MTCL1: variants seen among roughly 807,000 people sequenced by gnomAD.
MTCL1 encodes the protein microtubule cross-linking factor 1.
A neutral mutation model predicts 141.4 loss-of-function variants in MTCL1; 79 were observed. That is an observed-to-expected ratio of 0.56 (90% CI 0.47 to 0.67). MTCL1 has a LOEUF of 0.67. MTCL1 is among the 30% of genes least tolerant of loss of function. The pLI, the probability that MTCL1 is intolerant of heterozygous loss-of-function variation, is 0.00. For synonymous variants in MTCL1, 914 were observed against 875.8 expected (o/e 1.04, Z -0.77); for missense variants, 2,177 against 2,113.9 (o/e 1.03, Z -0.59).
intron 7 of MTCL1, chr18:8,789,808 AT>A: frequency 3.0e-6 from 2 of 670,920 alleles, no homozygotes; most frequent in Non-Finnish European, 3.7e-6. Context: ...TTTAGAAGAC[AT>A]TTATGTGTCA....
intron 4 of MTCL1, among the ~76,000 whole-genome samples, chr18:8,741,090 T>C (rs952202814): frequency 8.5e-5 from 13 of 152,214 alleles, no homozygotes; most frequent in African/African-American, 3.1e-4. Flanking sequence ...AGGATTTTCT[T>C]GAGTCCCCAT....
At position 8,783,428 on chromosome 18, in the gene MTCL1, A is replaced by G. The variant is rs940804879; in HGVS notation, c.418-102A>G. On this transcript the variant is annotated intron_variant, in intron 5 of 16. Coordinates refer to ENST00000359865, the Ensembl canonical transcript of MTCL1. ...GCACCGATGGGAAGATCGGTGTTTG[A>G]TGTTTGTGTGCATTGGGGGCGAGGT... 7 of 1,073,316 alleles carry G rather than the reference A, an allele frequency of 6.5e-6. No individual in the cohort carries two copies. The African/African-American group carries it at 9.6e-5, about 15-fold the overall frequency. The allele number at this position is 1,073,316 out of a possible 1,614,324, so 66.5% of individuals were successfully genotyped here.
intron 15 of MTCL1, among the ~76,000 whole-genome samples, chr18:8,826,578 A>G (rs761837759): frequency 6.6e-5 from 10 of 152,184 alleles, no homozygotes; most frequent in Non-Finnish European, 1.2e-4. Context: ...CACATGTACA[A>G]ACTATGGGAT....
intron 4 of MTCL1, among the ~76,000 whole-genome samples, chr18:8,738,056 A>G (rs1240945471): frequency 1.3e-5 from 2 of 152,170 alleles, no homozygotes; most frequent in East Asian, 3.8e-4. Context: ...CATAGCTAAT[A>G]TCATTTCCTT....
At chr18:8,784,814 C>A in exon 6 of MTCL1, 1 of 1,605,186 alleles carries the variant, frequency 6.2e-7, no homozygotes, top group East Asian at 2.2e-5. Flanking sequence ...CATCGGGAAC[C>A]TGGGGAAGGA....
chr18:8,796,557 CTAT>C, intron 9 of MTCL1, 95 bp downstream of exon 8: 1 of 1,196,526 alleles, frequency 8.4e-7, no homozygotes, highest in Non-Finnish European at 1.2e-6. Flanking sequence ...CAGTCATGTT[CTAT>C]TATTTTATTT....
intron 9 of MTCL1, 95 bp downstream of exon 8, chr18:8,796,557 C>A: frequency 8.4e-7 from 1 of 1,196,520 alleles, no homozygotes; most frequent in Non-Finnish European, 1.2e-6. Context: ...CAGTCATGTT[C>A]TATTATTTTA....
intron 4 of MTCL1, among the ~76,000 whole-genome samples, chr18:8,759,000 C>T (rs2096416575): frequency 6.6e-6 from 1 of 152,280 alleles, no homozygotes; most frequent in Middle Eastern, 3.4e-3. Flanking sequence ...AGTAGAGGGG[C>T]AGAAGGACAA....
At chr18:8,774,462 C>A (rs55743106) in intron 4 of MTCL1, among the ~76,000 whole-genome samples, 1 of 151,664 alleles carries the variant, frequency 6.6e-6, no homozygotes, top group East Asian at 1.9e-4. Context: ...TCTTTTCTTT[C>A]TTTTCTTTCT....
At chr18:8,807,152 C>T in intron 11 of MTCL1, 92 bp downstream of exon 10, 1 of 1,296,896 alleles carries the variant, frequency 7.7e-7, no homozygotes, top group Non-Finnish European at 1.0e-6. Flanking sequence ...AGATTCAGAA[C>T]CATGGGCTTC....
At chr18:8,785,021 G>GGT (rs1555654679) in intron 6 of MTCL1, among the ~76,000 whole-genome samples, 178 bp downstream of exon 5, 3 of 130,238 alleles carry the variant, frequency 2.3e-5, no homozygotes, top group African/African-American at 8.0e-5. Flanking sequence ...CGTTTTTTTT[G>GGT]TTTTTTTTTT....
At chr18:8,825,467 C>G (rs1293065428) in exon 15 of MTCL1, 1 of 1,603,710 alleles carries the variant, frequency 6.2e-7, no homozygotes, top group Non-Finnish European at 8.5e-7. Flanking sequence ...CGATGGGGAC[C>G]CAGACTGTTC....
intron 16 of MTCL1, chr18:8,829,858 C>G: frequency 1.0e-6 from 1 of 985,140 alleles, no homozygotes. Flanking sequence ...CGGTGTGTTA[C>G]TAAGGAAAAG....
exon 15 of MTCL1, chr18:8,826,154 G>A (rs1357328013): frequency 1.9e-6 from 3 of 1,613,094 alleles, no homozygotes; most frequent in Non-Finnish European, 8.5e-7. Flanking sequence ...AGGAGAGGAG[G>A]CAGGCTGCCC....
At chr18:8,777,105 A>G (rs1445434138) in intron 4 of MTCL1, among the ~76,000 whole-genome samples, 2 of 152,152 alleles carry the variant, frequency 1.3e-5, no homozygotes, top group Non-Finnish European at 2.9e-5. Context: ...GCGTGGTGGC[A>G]GGTGCCTATA....
chr18:8,713,371 C>T (rs190823499), upstream of MTCL1, among the ~76,000 whole-genome samples: 56 of 152,266 alleles, frequency 3.7e-4, no homozygotes, highest in Non-Finnish European at 2.9e-5. Context: ...AAGACAACAG[C>T]GATTTTCCAA....
At chr18:8,713,073 CAT>C (rs887234566), upstream of MTCL1, among the ~76,000 whole-genome samples, 8 of 152,058 alleles carry the variant, frequency 5.3e-5, no homozygotes, top group Admixed American at 2.6e-4. Context: ...TTCATTAAAA[CAT>C]ATAATTTTAA....
chr18:8,760,414 A>G (rs2096425687), intron 4 of MTCL1, among the ~76,000 whole-genome samples: 1 of 152,234 alleles, frequency 6.6e-6, no homozygotes, highest in South Asian at 2.1e-4. Flanking sequence ...TTAGACGCAG[A>G]TGCAAGTGCC....
At chr18:8,714,704 C>A (rs182266715), upstream of MTCL1, among the ~76,000 whole-genome samples, 5 of 152,314 alleles carry the variant, frequency 3.3e-5, no homozygotes, top group Admixed American at 6.5e-5. Context: ...TGGGTCCCTC[C>A]TGTGACACGT....
Sources: gnomAD v4.1 joint callset for allele counts (sites outside exome capture counted in the v4.1 genomes callset) on GRCh38, gnomAD v4.1.1 for gene constraint, MANE v1.5 for transcripts, NCBI Gene and HGNC (gene_info 2026-07-23, HGNC 2026-07-21) for gene names.